SHANK2: variants seen among roughly 807,000 people sequenced by gnomAD.
SHANK2 encodes SH3 and multiple ankyrin repeat domains 2.
Under a neutral mutation model 133.7 loss-of-function variants are expected in SHANK2, and 43 were observed. That is an observed-to-expected ratio of 0.32 (90% CI 0.25 to 0.41). The LOEUF (loss-of-function observed/expected upper bound fraction) is 0.41. Among genes scored for constraint, SHANK2 ranks in the 10% least tolerant of loss-of-function variants. The pLI, the probability that SHANK2 is intolerant of heterozygous loss-of-function variation, is 1.00. For synonymous variants in SHANK2, 1,017 were observed against 952.8 expected (o/e 1.07, Z -1.24); for missense variants, 1,994 against 2,235.8 (o/e 0.89, Z 2.18).
At position 70,936,141 on chromosome 11, in the gene SHANK2, A is replaced by G. The variant is rs117646371; in HGVS notation, c.1108-39574T>C. Among the ~76,000 whole-genome samples the G allele has an allele frequency of 3.4e-3, 515 of 152,350 alleles. 1 individual carries two copies. Among genetic ancestry groups the G allele is most frequent in the Non-Finnish European group, 5.3e-3 (363 of 68,028 alleles). ...CAGCTCTGTGGAGCTTATTCTCAAA[A>G]TGTTCAGAAAAAGGAAAAACCCATG... On this transcript the variant is annotated intron_variant, in intron 10 of 25. Coordinates refer to ENST00000601538, the MANE Select transcript of SHANK2 (RefSeq NM_012309.5).
At chr11:70,653,286 C>G (rs2061360298) in intron 17 of SHANK2, among the ~76,000 whole-genome samples, 1 of 152,128 alleles carries the variant, frequency 6.6e-6, no homozygotes, top group Middle Eastern at 3.2e-3. Flanking sequence ...ACTTCATTTT[C>G]TTTCCTCCAA....
chr11:70,646,834 TTTATTTATTTATTTATTTATTTA>T, intron 17 of SHANK2, among the ~76,000 whole-genome samples: 1 of 77,664 alleles, frequency 1.3e-5, no homozygotes, highest in African/African-American at 4.1e-5. Flanking sequence ...ATTTATTTTA[TTTATTTATTTATTTATTTATTTA>T]TTTATTTATT....
In SHANK2 at chr11:71,116,526, G is replaced by C. The variant is rs114746911; in HGVS notation, c.411+2303C>G. ...CTGGAGGGAGGCCCAGGAGCTTGTG[G>C]CTGCTGACAGCAGCTCAAAGAGCCC... On this transcript the variant is annotated intron_variant, in intron 4 of 25. Transcript: ENST00000601538. Among the ~76,000 whole-genome samples the C allele has an allele frequency of 7.7e-3, 1,167 of 152,366 alleles. 20 individuals carry two copies. Among genetic ancestry groups the C allele is most frequent in the African/African-American group, 0.027 (1,113 of 41,588 alleles).
At chr11:71,237,845 T>C (rs193031521) in intron 1 of SHANK2, among the ~76,000 whole-genome samples, 1 of 152,244 alleles carries the variant, frequency 6.6e-6, no homozygotes, top group East Asian at 1.9e-4. Flanking sequence ...CAAAGGTTCA[T>C]CCATGTTAGG....
intron 10 of SHANK2, among the ~76,000 whole-genome samples, chr11:70,913,849 C>T (rs575526015): frequency 5.5e-4 from 84 of 152,264 alleles, no homozygotes; most frequent in African/African-American, 1.9e-3. Context: ...CAATCAGAGC[C>T]GGTCTTTTCA....
intron 14 of SHANK2, among the ~76,000 whole-genome samples, chr11:70,737,805 G>A (rs982191202): frequency 2.6e-5 from 4 of 152,242 alleles, no homozygotes; most frequent in Non-Finnish European, 5.9e-5. Context: ...TCTTGGGGCC[G>A]GTTTTCCCTG....
chr11:70,732,511 TTC>T (rs1946312246), intron 14 of SHANK2, among the ~76,000 whole-genome samples: 1 of 152,152 alleles, frequency 6.6e-6, no homozygotes, highest in Non-Finnish European at 1.5e-5. Context: ...CAGGATTTTT[TTC>T]TGTGTCCCCC....
At chr11:70,588,661 C>T (rs534455411) in intron 17 of SHANK2, among the ~76,000 whole-genome samples, 20 of 152,216 alleles carry the variant, frequency 1.3e-4, no homozygotes, top group African/African-American at 4.8e-4. Flanking sequence ...CTAGCAACTT[C>T]CATCAAGTTT....
chr11:70,914,793 C>A (rs187977201), intron 10 of SHANK2, among the ~76,000 whole-genome samples: 12 of 150,706 alleles, frequency 8.0e-5, no homozygotes, highest in African/African-American at 2.9e-4. Flanking sequence ...CAGGAGACTG[C>A]GAAGGGAGGA....
intron 10 of SHANK2, among the ~76,000 whole-genome samples, chr11:70,907,342 G>A (rs868979079): frequency 1.3e-5 from 2 of 152,160 alleles, no homozygotes; most frequent in African/African-American, 2.4e-5. Context: ...TGAGTGAAGG[G>A]GACCCCCTGG....
At chr11:70,548,457 C>T (rs1161368983) in intron 17 of SHANK2, among the ~76,000 whole-genome samples, 4 of 152,324 alleles carry the variant, frequency 2.6e-5, no homozygotes, top group East Asian at 1.9e-4. Context: ...GCCCGTCTCC[C>T]GCTGGGCTCC....
At chr11:70,720,270 G>T (rs918675115) in intron 14 of SHANK2, among the ~76,000 whole-genome samples, 8 of 152,160 alleles carry the variant, frequency 5.3e-5, no homozygotes, top group Non-Finnish European at 1.2e-4. Context: ...CTGATGTAGG[G>T]GTCATCACCT....
At chr11:70,632,178 G>A (rs927873824) in intron 17 of SHANK2, among the ~76,000 whole-genome samples, 15 of 152,174 alleles carry the variant, frequency 9.9e-5, no homozygotes, top group Non-Finnish European at 1.9e-4. Context: ...CTGGAGTGCA[G>A]TGGCGCGATC....
chr11:71,066,358 G>C (rs1951064010), intron 9 of SHANK2, among the ~76,000 whole-genome samples: 1 of 146,794 alleles, frequency 6.8e-6, no homozygotes, highest in African/African-American at 2.5e-5. Context: ...AAGTTGGGGG[G>C]GTGCAGAAGT....
chr11:70,843,783 G>A (rs180932663), intron 11 of SHANK2, among the ~76,000 whole-genome samples: 6 of 152,188 alleles, frequency 3.9e-5, no homozygotes, highest in East Asian at 2.0e-4. Context: ...GGGCTCAACC[G>A]ATTCTTAGAG....
At chr11:70,661,879 T>C (rs1449387253) in intron 15 of SHANK2, 3 of 1,460,342 alleles carry the variant, frequency 2.1e-6, no homozygotes, top group Non-Finnish European at 9.5e-7. Context: ...TAGGCGAGCG[T>C]GGCACAATGA....
intron 10 of SHANK2, among the ~76,000 whole-genome samples, chr11:70,901,069 T>G (rs1299384187): frequency 6.6e-6 from 1 of 152,036 alleles, no homozygotes; most frequent in Admixed American, 6.6e-5. Context: ...TCTTTTGATC[T>G]TAACAGCTCT....
intron 17 of SHANK2, among the ~76,000 whole-genome samples, chr11:70,533,196 G>A (rs1205422533): frequency 4.6e-5 from 7 of 152,134 alleles, no homozygotes; most frequent in African/African-American, 9.7e-5. Flanking sequence ...TGATTGTGTC[G>A]AATATCACTG....
At chr11:71,061,189 C>T (rs1221822908) in intron 9 of SHANK2, among the ~76,000 whole-genome samples, 2 of 152,258 alleles carry the variant, frequency 1.3e-5, no homozygotes, top group East Asian at 3.8e-4. Context: ...TCCTGCACAT[C>T]TAATTTTGTA....
Sources: gnomAD v4.1 joint callset for allele counts (sites outside exome capture counted in the v4.1 genomes callset) on GRCh38, gnomAD v4.1.1 for gene constraint, MANE v1.5 for transcripts, NCBI Gene and HGNC (gene_info 2026-07-23, HGNC 2026-07-21) for gene names.